The following DAB1 variants were observed in gnomAD, a reference collection of about 807,000 sequenced individuals.
The protein encoded by DAB1 is disabled homolog 1.
In DAB1, 15 loss-of-function variants were observed where a neutral mutation model predicts 64.6. That is an observed-to-expected ratio of 0.23 (90% CI 0.16 to 0.36). The LOEUF is 0.36. DAB1 is among the 10% of genes least tolerant of loss of function. DAB1 has a pLI of 1.00. For synonymous variants in DAB1, 235 were observed against 251.9 expected, an observed-to-expected ratio of 0.93 and a Z score of 0.64; for missense variants, 596 against 706.7, an observed-to-expected ratio of 0.84 and a Z score of 1.78.
chr1:57,639,261 G>C (rs536407411), intron 7 of DAB1, among the ~76,000 whole-genome samples: 4 of 146,392 alleles, frequency 2.7e-5, no homozygotes, highest in East Asian at 2.0e-4. Context: ...AAGAACTTTA[G>C]TAAGTAACTT....
At chr1:57,215,091 A>G (rs1666327908) in intron 2 of DAB1, among the ~76,000 whole-genome samples, 1 of 152,094 alleles carries the variant, frequency 6.6e-6, no homozygotes, top group Non-Finnish European at 1.5e-5. Flanking sequence ...GGACCTAACA[A>G]AAAGCTCTTT....
chr1:57,472,015 T>C (rs1350955065), intron 7 of DAB1, among the ~76,000 whole-genome samples: 1 of 152,188 alleles, frequency 6.6e-6, no homozygotes, highest in Non-Finnish European at 1.5e-5. Context: ...GAAAGAATGA[T>C]AGCAGTTAAA....
intron 3 of DAB1, among the ~76,000 whole-genome samples, chr1:58,500,338 G>A (rs1645886257): frequency 1.3e-5 from 2 of 152,128 alleles, no homozygotes; most frequent in South Asian, 2.1e-4. Flanking sequence ...AAGGTGAACA[G>A]TGTATGTTTG....
intron 3 of DAB1, among the ~76,000 whole-genome samples, chr1:58,398,933 A>G (rs987228698): frequency 6.6e-6 from 1 of 152,234 alleles, no homozygotes; most frequent in African/African-American, 2.4e-5. Flanking sequence ...ACACTGCCCT[A>G]ACTCCAGGAC....
chr1:58,274,608 G>T (rs990501287), intron 4 of DAB1, among the ~76,000 whole-genome samples: 1 of 151,316 alleles, frequency 6.6e-6, no homozygotes, highest in African/African-American at 2.4e-5. Context: ...CCCCAGCCTC[G>T]CTGCCGCCTT....
intron 5 of DAB1, among the ~76,000 whole-genome samples, chr1:58,003,988 T>C (rs1228637815): frequency 6.6e-6 from 1 of 152,180 alleles, no homozygotes. Flanking sequence ...ACGTTACTTG[T>C]TCCAGACCTA....
chr1:57,034,271 T>G (rs1397799120), intron 9 of DAB1, among the ~76,000 whole-genome samples: 1 of 47,018 alleles, frequency 2.1e-5, no homozygotes, highest in Non-Finnish European at 3.9e-5. Context: ...CAGAGCGGAC[T>G]CCATTTCAAA....
At chr1:57,015,499 A>G in intron 11 of DAB1, 68 bp from the exon 12 acceptor site, 1 of 1,405,886 alleles carries the variant, frequency 7.1e-7, no homozygotes, top group Non-Finnish European at 9.6e-7. Context: ...GCATGGACTC[A>G]GGTAATTGAC....
chr1:57,469,950 CA>C (rs1318637576), intron 7 of DAB1, among the ~76,000 whole-genome samples: 1 of 152,054 alleles, frequency 6.6e-6, no homozygotes, highest in African/African-American at 2.4e-5. Context: ...CTCATTTGAC[CA>C]TGAAACTATT....
chr1:57,897,685 GAC>G (rs1193434301), intron 5 of DAB1, among the ~76,000 whole-genome samples: 5 of 152,160 alleles, frequency 3.3e-5, no homozygotes, highest in African/African-American at 1.2e-4. Flanking sequence ...AGCTTGGGAT[GAC>G]ACAAAGATGG....
chr1:58,115,666 T>G (rs1330133434), intron 5 of DAB1, among the ~76,000 whole-genome samples: 1 of 61,804 alleles, frequency 1.6e-5, no homozygotes, highest in Non-Finnish European at 3.0e-5. Context: ...CCATAAAAAA[T>G]GATGAGTTCA....
intron 4 of DAB1, among the ~76,000 whole-genome samples, chr1:58,192,489 C>T (rs146804944): frequency 6.6e-6 from 1 of 152,198 alleles, no homozygotes; most frequent in East Asian, 1.9e-4. Flanking sequence ...TCATTGTTAT[C>T]TCCAAGTTAT....
chr1:58,250,623 C>A (rs889091130), intron 4 of DAB1, among the ~76,000 whole-genome samples: 2 of 152,208 alleles, frequency 1.3e-5, no homozygotes, highest in Non-Finnish European at 2.9e-5. Flanking sequence ...GAAGAGGTGG[C>A]GCGGCCTGAC....
chr1:57,872,422 C>T lies in DAB1; in HGVS notation n.87+11577G>A, dbSNP rs1002192618. On this transcript the variant is annotated intron_variant and non_coding_transcript_variant, in intron 1 of 1. Coordinates refer to the DAB1 transcript ENST00000477280. ...CAGGAAGTAGATACTCATCAGACACCAAATCTGCTGAAGCCTTGATCTTGG... is the reference window on the plus strand; with the variant it reads ...CAGGAAGTAGATACTCATCAGACACTAAATCTGCTGAAGCCTTGATCTTGG... Among the ~76,000 whole-genome samples, 3 of 152,290 alleles carry T rather than the reference C, an allele frequency of 2.0e-5. No individual in the cohort carries two copies. In the South Asian group the frequency reaches 6.2e-4, roughly 32 times the overall value.
intron 1 of DAB1, among the ~76,000 whole-genome samples, chr1:57,343,870 G>A (rs1248383507): frequency 6.6e-6 from 1 of 152,242 alleles, no homozygotes; most frequent in Non-Finnish European, 1.5e-5. Flanking sequence ...GCATCAGCGG[G>A]CTGAAGGGCT....
At chr1:57,908,476 G>A (rs1411748899) in intron 5 of DAB1, among the ~76,000 whole-genome samples, 1 of 152,152 alleles carries the variant, frequency 6.6e-6, no homozygotes, top group East Asian at 1.9e-4. Flanking sequence ...CCCTCCTCCC[G>A]CATCCTGATG....
rs1216034292 is a variant in DAB1, at chr1:58,227,834, A to C, written n.310-77246T>G. On this transcript the variant is annotated intron_variant and non_coding_transcript_variant, in intron 4 of 20. Coordinates refer to the DAB1 transcript ENST00000485760. ...TTCTGCATGCAGCAGCAAATGTATA[A>C]TGCTTGGATGGCCTGACAAAACAGT... Among the ~76,000 whole-genome samples the C allele has an allele frequency of 3.3e-5, 5 of 152,150 alleles. No individual in the cohort carries two copies. The East Asian group carries it at 7.7e-4, about 23-fold the overall frequency.
intron 7 of DAB1, among the ~76,000 whole-genome samples, chr1:57,466,513 A>T (rs930513083): frequency 6.6e-6 from 1 of 152,220 alleles, no homozygotes; most frequent in Non-Finnish European, 1.5e-5. Context: ...ATAAATACGT[A>T]TTAGTTTTCA....
intron 1 of DAB1, among the ~76,000 whole-genome samples, chr1:57,879,090 T>C (rs1218055268): frequency 2.0e-5 from 3 of 152,194 alleles, no homozygotes; most frequent in African/African-American, 4.8e-5. Flanking sequence ...ACACTTAGGT[T>C]GATTCTGTCT....
Sources: gnomAD v4.1 joint callset for allele counts (sites outside exome capture counted in the v4.1 genomes callset) on GRCh38, gnomAD v4.1.1 for gene constraint, MANE v1.5 for transcripts, NCBI Gene and HGNC (gene_info 2026-07-23, HGNC 2026-07-21) for gene names.